GRIK4: variants seen among roughly 807,000 people sequenced by gnomAD.
GRIK4 encodes glutamate receptor ionotropic, kainate 4.
GRIK4 carries 40 observed loss-of-function variants against 104.9 expected under a neutral mutation model. That is an observed-to-expected ratio of 0.38 (90% CI 0.30 to 0.50). The LOEUF (loss-of-function observed/expected upper bound fraction) is 0.50. Among genes scored for constraint, GRIK4 ranks in the 20% least tolerant of loss-of-function variants. The pLI is 0.93. For synonymous variants in GRIK4, 485 were observed against 524.9 expected, an observed-to-expected ratio of 0.92 and a Z score of 1.04; for missense variants, 1,047 against 1,308.1, an observed-to-expected ratio of 0.80 and a Z score of 3.08.
rs534072485 is a variant in GRIK4, at chr11:120,610,211, G to A, written c.-158-43474G>A. On this transcript the variant is annotated intron_variant, in intron 1 of 20. Transcript: ENST00000527524. ...GAGCCTTCCACAGGAGAGTGACTCAGTGAGGAGCTGATTTGCTCCCTTCCC... is the reference window on the plus strand; with the variant it reads ...GAGCCTTCCACAGGAGAGTGACTCAATGAGGAGCTGATTTGCTCCCTTCCC... Among the ~76,000 whole-genome samples, 146 of 152,350 alleles carry A rather than the reference G, an allele frequency of 9.6e-4. 1 individual carries two copies. The highest frequency in any genetic ancestry group is 3.4e-3 in the Middle Eastern group (1 of 294).
At chr11:120,900,630 A>G (rs1243984807) in intron 12 of GRIK4, among the ~76,000 whole-genome samples, 1 of 152,150 alleles carries the variant, frequency 6.6e-6, no homozygotes, top group Non-Finnish European at 1.5e-5. Flanking sequence ...AGGGTTGGTG[A>G]TGTTGATACC....
At chr11:120,766,715 T>C (rs1055279735) in intron 3 of GRIK4, among the ~76,000 whole-genome samples, 3 of 152,042 alleles carry the variant, frequency 2.0e-5, no homozygotes, top group African/African-American at 7.2e-5. Flanking sequence ...GGTAGTTCTC[T>C]GACCCTTTGC....
intron 1 of GRIK4, among the ~76,000 whole-genome samples, chr11:120,533,008 G>C (rs1367277476): frequency 6.6e-6 from 1 of 152,214 alleles, no homozygotes; most frequent in Non-Finnish European, 1.5e-5. Flanking sequence ...GAAGTAAACA[G>C]ATGATGCAAT....
At chr11:120,620,329 C>T (rs1240074437) in intron 1 of GRIK4, 8 of 629,570 alleles carry the variant, frequency 1.3e-5, no homozygotes, top group Non-Finnish European at 2.4e-5. Flanking sequence ...TCCCAGAGTT[C>T]TTTTTCTGCC....
At chr11:120,842,314 T>A (rs2135583790) in intron 8 of GRIK4, among the ~76,000 whole-genome samples, 1 of 152,286 alleles carries the variant, frequency 6.6e-6, no homozygotes, top group East Asian at 1.9e-4. Flanking sequence ...GAAAACAACA[T>A]GGAAGATCAT....
At chr11:120,700,615 T>G (rs1258215443) in intron 3 of GRIK4, among the ~76,000 whole-genome samples, 1 of 152,080 alleles carries the variant, frequency 6.6e-6, no homozygotes, top group Non-Finnish European at 1.5e-5. Context: ...CGCGCCACCA[T>G]GTCTGGCTAA....
chr11:120,533,347 T>C (rs1203480361), intron 1 of GRIK4, among the ~76,000 whole-genome samples: 1 of 152,244 alleles, frequency 6.6e-6, no homozygotes, highest in East Asian at 1.9e-4. Flanking sequence ...TTCTGAGGGC[T>C]TTCCTTGTAT....
chr11:120,514,642 G>C (rs1392596556), intron 1 of GRIK4, among the ~76,000 whole-genome samples: 4 of 152,078 alleles, frequency 2.6e-5, no homozygotes, highest in Non-Finnish European at 5.9e-5. Flanking sequence ...CCTTAGACTG[G>C]CTGCCTGGGT....
At chr11:120,633,714 T>TGAGCAGG (rs1450769374) in intron 1 of GRIK4, among the ~76,000 whole-genome samples, 5 of 152,192 alleles carry the variant, frequency 3.3e-5, no homozygotes, top group African/African-American at 9.6e-5. Flanking sequence ...AGAAGGCCCC[T>TGAGCAGG]GAGCAGGGAG....
At chr11:120,557,235 C>A (rs1242022923) in intron 1 of GRIK4, among the ~76,000 whole-genome samples, 1 of 152,188 alleles carries the variant, frequency 6.6e-6, no homozygotes, top group African/African-American at 2.4e-5. Flanking sequence ...CTCTCCTGTC[C>A]CCCCCGAGGA....
intron 3 of GRIK4, among the ~76,000 whole-genome samples, chr11:120,793,691 A>G (rs1484266597): frequency 6.6e-6 from 1 of 150,716 alleles, no homozygotes; most frequent in Non-Finnish European, 1.5e-5. Context: ...TGACGGTTTG[A>G]GGTGAAGGCA....
In GRIK4 at chr11:120,988,221, C is replaced by G. The variant is rs565560731; in HGVS notation, c.*1961C>G. ...TCTTTAACCATCAAATGACAACAAG[C>G]TGTGCAAGACACTTGTGTCTTTTTT... On this transcript the variant is annotated 3_prime_UTR_variant, in exon 21 of 21. Transcript: ENST00000527524. 5 of 152,280 alleles carry G rather than the reference C, an allele frequency of 3.3e-5. No individual in the cohort carries two copies. The South Asian group carries it at 1.0e-3, about 32-fold the overall frequency. The allele number at this position is 152,280 out of a possible 1,614,324, so 9.4% of individuals were successfully genotyped here.
chr11:120,611,390 C>A (rs748336414), intron 1 of GRIK4, among the ~76,000 whole-genome samples: 2 of 152,176 alleles, frequency 1.3e-5, no homozygotes, highest in Non-Finnish European at 2.9e-5. Context: ...GCATCCTGAA[C>A]ACACACACTA....
chr11:120,853,146 A>G (rs370276229), intron 8 of GRIK4, among the ~76,000 whole-genome samples: 130 of 152,196 alleles, frequency 8.5e-4, no homozygotes, highest in African/African-American at 3.0e-3. Flanking sequence ...TATGTAGATG[A>G]GGTGTAAAGG....
intron 9 of GRIK4, among the ~76,000 whole-genome samples, chr11:120,863,175 C>T (rs1480330869): frequency 6.6e-6 from 1 of 152,206 alleles, no homozygotes; most frequent in Non-Finnish European, 1.5e-5. Flanking sequence ...GTGATACATG[C>T]GTAATGACAT....
At chr11:120,900,426 T>C (rs183355405) in intron 12 of GRIK4, among the ~76,000 whole-genome samples, 25 of 152,320 alleles carry the variant, frequency 1.6e-4, no homozygotes, top group Non-Finnish European at 2.9e-5. Context: ...GGTGCTGCTA[T>C]ATGCTGGGCA....
intron 3 of GRIK4, among the ~76,000 whole-genome samples, chr11:120,718,987 G>T (rs1243462593): frequency 1.3e-5 from 2 of 152,186 alleles, no homozygotes; most frequent in South Asian, 2.1e-4. Flanking sequence ...CTAGAATAAG[G>T]TATAGAATCA....
At chr11:120,910,965 C>T (rs1942977512) in intron 13 of GRIK4, among the ~76,000 whole-genome samples, 1 of 152,088 alleles carries the variant, frequency 6.6e-6, no homozygotes, top group South Asian at 2.1e-4. Context: ...AGTACGAGAG[C>T]CAAGTCATGG....
At chr11:120,765,284 T>C (rs1348027522) in intron 3 of GRIK4, among the ~76,000 whole-genome samples, 2 of 151,878 alleles carry the variant, frequency 1.3e-5, no homozygotes, top group Non-Finnish European at 2.9e-5. Context: ...ACTAAGTTCT[T>C]GTGCTGTATT....
Sources: allele counts gnomAD v4.1 joint callset (sites outside exome capture counted in the v4.1 genomes callset), GRCh38; gene constraint gnomAD v4.1.1; transcripts MANE v1.5; gene names NCBI Gene and HGNC (gene_info 2026-07-23, HGNC 2026-07-21).